The following CSMD3 variants were observed in gnomAD, a reference collection of about 807,000 sequenced individuals.
CSMD3 encodes the protein CUB and sushi domain-containing protein 3.
A neutral mutation model predicts 435.2 loss-of-function variants in CSMD3; 177 were observed. The observed-to-expected ratio is 0.41, with a 90% CI of 0.36 to 0.46. The LOEUF (loss-of-function observed/expected upper bound fraction) is 0.46, where lower values mean the gene tolerates loss of function less well. Among genes scored for constraint, CSMD3 ranks in the 20% least tolerant of loss-of-function variants. CSMD3 has a pLI of 0.34. For synonymous variants in CSMD3, 1,656 were observed against 1,520.5 expected (o/e 1.09, Z -2.07); for missense variants, 4,265 against 4,504.6 (o/e 0.95, Z 1.52).
chr8:112,469,167 A>AG (rs1284220563), intron 32 of CSMD3, among the ~76,000 whole-genome samples: 1 of 134,602 alleles, frequency 7.4e-6, no homozygotes, highest in Non-Finnish European at 1.7e-5. Context: ...AGGCAAAAAA[A>AG]AAAAAAAAAA....
intron 3 of CSMD3, among the ~76,000 whole-genome samples, chr8:113,269,037 T>C (rs934393468): frequency 2.6e-5 from 4 of 152,134 alleles, no homozygotes; most frequent in Non-Finnish European, 4.4e-5. Flanking sequence ...AATTGCAAAA[T>C]ATAAATGTCA....
intron 1 of CSMD3, among the ~76,000 whole-genome samples, chr8:113,374,655 T>A (rs1022637700): frequency 1.3e-5 from 2 of 151,934 alleles, no homozygotes; most frequent in African/African-American, 2.4e-5. Context: ...ATATTACTTA[T>A]AATATTTTGA....
rs529268953 is a variant in CSMD3, at chr8:112,673,256, C to CA, written c.2678-6842dup. Among the ~76,000 whole-genome samples, 928 of 129,322 alleles carry CA rather than the reference C, an allele frequency of 7.2e-3. 9 individuals carry two copies. Among genetic ancestry groups the CA allele is most frequent in the African/African-American group, 0.021 (725 of 35,198 alleles). 84.8% of individuals were successfully genotyped at this position (129,322 alleles called of 152,430 possible). ...AACCTCAGCACACTGCATCATGGTT[C>CA]AAAAAAAAAAAATTACAATGAACAA... On this transcript the variant is annotated intron_variant, in intron 16 of 70. Coordinates refer to ENST00000297405, the MANE Select transcript of CSMD3 (RefSeq NM_198123.2).
chr8:113,163,158 CTTA>C (rs2092077503), intron 4 of CSMD3, among the ~76,000 whole-genome samples: 1 of 152,030 alleles, frequency 6.6e-6, no homozygotes, highest in South Asian at 2.1e-4. Context: ...ATATTGATAT[CTTA>C]TTAACATTTC....
At chr8:113,081,253 C>G (rs991960071) in intron 5 of CSMD3, among the ~76,000 whole-genome samples, 1 of 152,148 alleles carries the variant, frequency 6.6e-6, no homozygotes, top group Admixed American at 6.6e-5. Context: ...ATCAAGGTTT[C>G]TACAGATCCA....
chr8:112,323,011 C>T (rs1823144697), intron 45 of CSMD3, among the ~76,000 whole-genome samples: 1 of 151,886 alleles, frequency 6.6e-6, no homozygotes, highest in Admixed American at 6.6e-5. Flanking sequence ...TTTAAAATTG[C>T]CAGTGGGGAT....
intron 27 of CSMD3, among the ~76,000 whole-genome samples, chr8:112,533,833 C>A (rs1311841120): frequency 6.6e-6 from 1 of 152,020 alleles, no homozygotes; most frequent in Non-Finnish European, 1.5e-5. Flanking sequence ...TTCTCATTAG[C>A]ACCAGGAACA....
At chr8:112,236,890 A>G (rs1365549698) in intron 67 of CSMD3, among the ~76,000 whole-genome samples, 2 of 152,116 alleles carry the variant, frequency 1.3e-5, no homozygotes, top group African/African-American at 4.8e-5. Flanking sequence ...GAGAATAGAG[A>G]AAGATTTAGT....
chr8:112,508,838 C>G (rs916407072), intron 28 of CSMD3, among the ~76,000 whole-genome samples: 23 of 151,972 alleles, frequency 1.5e-4, no homozygotes, highest in Non-Finnish European at 7.4e-5. Flanking sequence ...AAGGGGACAT[C>G]TACTCTCACT....
At chr8:112,315,154 T>G (rs1023759545) in intron 47 of CSMD3, among the ~76,000 whole-genome samples, 2 of 151,478 alleles carry the variant, frequency 1.3e-5, no homozygotes, top group African/African-American at 4.8e-5. Flanking sequence ...GAGTCACCAG[T>G]TGCCTTTCAG....
At chr8:112,985,168 T>C (rs2085209340) in intron 6 of CSMD3, among the ~76,000 whole-genome samples, 1 of 152,044 alleles carries the variant, frequency 6.6e-6, no homozygotes, top group African/African-American at 2.4e-5. Context: ...TAGATTTGCT[T>C]ACACAAACCA....
At chr8:113,052,483 A>G (rs1423632276) in intron 5 of CSMD3, among the ~76,000 whole-genome samples, 1 of 152,208 alleles carries the variant, frequency 6.6e-6, no homozygotes, top group East Asian at 1.9e-4. Flanking sequence ...TTATTAATCA[A>G]GATAATAGTC....
chr8:112,822,751 C>T (rs917142573), intron 12 of CSMD3, among the ~76,000 whole-genome samples: 1 of 152,104 alleles, frequency 6.6e-6, no homozygotes, highest in Non-Finnish European at 1.5e-5. Context: ...TTTGCCCATT[C>T]AGTGTGATAT....
At chr8:113,029,106 C>A (rs2086984402) in intron 5 of CSMD3, among the ~76,000 whole-genome samples, 1 of 151,042 alleles carries the variant, frequency 6.6e-6, no homozygotes, top group African/African-American at 2.4e-5. Context: ...ATTCAAAAAT[C>A]CTAGAGCCCT....
chr8:113,160,323 G>A (rs923431908), intron 4 of CSMD3, among the ~76,000 whole-genome samples: 9 of 151,776 alleles, frequency 5.9e-5, no homozygotes, highest in Admixed American at 4.6e-4. Flanking sequence ...AATCAATAAT[G>A]ATGTTTTAAA....
intron 7 of CSMD3, among the ~76,000 whole-genome samples, chr8:112,956,174 TTAAA>T (rs2084012075): frequency 6.6e-6 from 1 of 152,038 alleles, no homozygotes; most frequent in Non-Finnish European, 1.5e-5. Context: ...CTTTTTTCTC[TTAAA>T]TAAGCAGCTA....
At chr8:112,279,751 G>C (rs1319474926) in intron 59 of CSMD3, among the ~76,000 whole-genome samples, 1 of 152,058 alleles carries the variant, frequency 6.6e-6, no homozygotes, top group Non-Finnish European at 1.5e-5. Context: ...CCCTGATTAA[G>C]ACCTCCATAT....
intron 22 of CSMD3, among the ~76,000 whole-genome samples, chr8:112,605,731 T>A (rs1031081975): frequency 2.0e-5 from 3 of 152,120 alleles, no homozygotes; most frequent in African/African-American, 7.2e-5. Flanking sequence ...CAAACAGCCA[T>A]GACATGCAAT....
At chr8:112,499,200 A>C (rs567120331) in intron 30 of CSMD3, among the ~76,000 whole-genome samples, 15 of 152,244 alleles carry the variant, frequency 9.9e-5, no homozygotes, top group African/African-American at 3.4e-4. Flanking sequence ...AACAAATATG[A>C]AGCAAAAAAT....
Sources: gnomAD v4.1 joint callset for allele counts (sites outside exome capture counted in the v4.1 genomes callset) on GRCh38, gnomAD v4.1.1 for gene constraint, MANE v1.5 for transcripts, NCBI Gene and HGNC (gene_info 2026-07-23, HGNC 2026-07-21) for gene names.